Variants in CACNG7 observed in about 807,000 individuals in gnomAD.
CACNG7 encodes voltage-dependent calcium channel gamma-7 subunit.
Under a neutral mutation model 26.3 loss-of-function variants are expected in CACNG7, and 9 were observed. The observed-to-expected ratio is 0.34, with a 90% CI of 0.21 to 0.60. The LOEUF is 0.60. Ranked by LOEUF, CACNG7 falls within the 20% of genes least tolerant of loss-of-function variation. CACNG7 has a pLI of 0.81. For missense variants in CACNG7, 297 were observed against 380.4 expected, an observed-to-expected ratio of 0.78 and a Z score of 1.82; for synonymous variants, 170 against 157.0, an observed-to-expected ratio of 1.08 and a Z score of -0.62.
In CACNG7 at chr19:53,909,872, A is replaced by AG. The variant is rs1051987332; in HGVS notation, c.-30+360dup. On this transcript the variant is annotated intron_variant, in intron 1 of 5. Transcript: ENST00000391767. The surrounding 1 kb of genome is among the most constrained non-coding windows in gnomAD (Gnocchi z 5.1). ...GTGGGTCTGGAAAGGGGTCCCAGAAAGGGGGAGTTACGGTCTCCCGAGAGA... is the reference window on the plus strand; with the variant it reads ...GTGGGTCTGGAAAGGGGTCCCAGAAAGGGGGGAGTTACGGTCTCCCGAGAGA... 3.3e-5 allele frequency among the ~76,000 whole-genome samples: 5 copies of AG among 152,056 alleles called. No individual in the cohort carries two copies. Among genetic ancestry groups the AG allele is most frequent in the African/African-American group, 1.2e-4 (5 of 41,410 alleles).
In CACNG7 at chr19:53,921,024, GCTGGTCATTGGTGGAGTTGCCCCAGGC is replaced by G. The variant is rs1568773919; in HGVS notation, c.424+5535_424+5561del. On this transcript the variant is annotated intron_variant, in intron 4 of 5. Coordinates refer to ENST00000391767, the MANE Select transcript of CACNG7 (RefSeq NM_031896.5). ...CTGGTCATTGGTGGAGTTGCCCCAG[GCTGGTCATTGGTGGAGTTGCCCCAGGC>G]CTGGTCATTGGTGGACTTGCCCCAG... 1.1e-4 allele frequency among the ~76,000 whole-genome samples: 8 copies of G among 74,982 alleles called. 1 individual carries two copies. The highest frequency in any genetic ancestry group is 2.1e-4 in the Admixed American group (2 of 9,458). The allele number at this position is 74,982 out of a possible 152,430, so 49.2% of individuals were successfully genotyped here.
chr19:53,920,674 C>T (rs1410812578), intron 4 of CACNG7, among the ~76,000 whole-genome samples: 2 of 116,782 alleles, frequency 1.7e-5, no homozygotes, highest in South Asian at 2.7e-4. Flanking sequence ...TGGAGTTGCC[C>T]CAGGTCTGGT....
At chr19:53,923,614 T>A (rs1173014356) in intron 4 of CACNG7, among the ~76,000 whole-genome samples, 111 of 124,810 alleles carry the variant, frequency 8.9e-4, no homozygotes, top group African/African-American at 3.3e-3. Flanking sequence ...CCAGGTCTGG[T>A]CATTGGTGGA....
chr19:53,927,594 T>C (rs1159246650), intron 4 of CACNG7, among the ~76,000 whole-genome samples: 5 of 152,022 alleles, frequency 3.3e-5, no homozygotes, highest in South Asian at 2.1e-4. Flanking sequence ...TCCCAGCACA[T>C]TGGGAGGCCG....
intron 4 of CACNG7, among the ~76,000 whole-genome samples, chr19:53,921,333 G>C (rs1198476839): frequency 7.0e-6 from 1 of 142,016 alleles, no homozygotes; most frequent in Non-Finnish European, 1.5e-5. Flanking sequence ...GTCATTGGTG[G>C]ACTTGCCCCA....
intron 4 of CACNG7, among the ~76,000 whole-genome samples, chr19:53,934,177 G>A (rs892955669): frequency 6.6e-6 from 1 of 152,196 alleles, no homozygotes; most frequent in Non-Finnish European, 1.5e-5. Flanking sequence ...GATGACAGGC[G>A]TGAGCCACTG....
Position 53,915,730 on chromosome 19 carries a change from C to A in CACNG7, c.424+225C>A, listed in dbSNP as rs1462582661. Among the ~76,000 whole-genome samples the A allele has an allele frequency of 6.6e-5, 10 of 152,258 alleles. No individual in the cohort carries two copies. In the South Asian group the frequency reaches 8.3e-4, roughly 13 times the overall value. On this transcript the variant is annotated intron_variant, in intron 4 of 5. Coordinates refer to ENST00000391767, the MANE Select transcript of CACNG7 (RefSeq NM_031896.5). The stretch of plus-strand genomic sequence containing the variant: ...GGCTTACTGGGTGCTAATTAGGTAC[C>A]AGGCTCTATTCTCACACTCGCAACA...
rs921279355 is a variant in CACNG7 at position 53,932,905 on chromosome 19, T to A, written c.425-8565T>A. Among the ~76,000 whole-genome samples, 10 of 151,604 alleles carry A rather than the reference T, an allele frequency of 6.6e-5. No homozygotes were observed. The East Asian group carries it at 1.9e-3, about 29-fold the overall frequency. On this transcript the variant is annotated intron_variant, in intron 4 of 5. Transcript: ENST00000391767. ...GCACTGCAACCTCCGCCTCCCAGGTTAAAGCGATTCTCTGGCCTCAGCCTC... is the reference window on the plus strand; with the variant it reads ...GCACTGCAACCTCCGCCTCCCAGGTAAAAGCGATTCTCTGGCCTCAGCCTC...
chr19:53,910,393 G>A (rs1599960251), intron 1 of CACNG7, among the ~76,000 whole-genome samples: 1 of 152,052 alleles, frequency 6.6e-6, no homozygotes, highest in African/African-American at 2.4e-5. Flanking sequence ...CTGGAGGCTG[G>A]GAGTGCGGGG....
intron 4 of CACNG7, among the ~76,000 whole-genome samples, chr19:53,921,014 G>GTTGCCCCAGGCCTGGTCATTGGTGGAC (rs2068943841): frequency 2.8e-5 from 2 of 70,422 alleles, no homozygotes; most frequent in Non-Finnish European, 5.0e-5. Context: ...CATTGGTGGA[G>GTTGCCCCAGGCCTGGTCATTGGTGGAC]TTGCCCCAGG....
chr19:53,931,412 CGCA>C (rs2069070469), intron 4 of CACNG7, among the ~76,000 whole-genome samples: 1 of 151,256 alleles, frequency 6.6e-6, no homozygotes, highest in South Asian at 2.1e-4. Flanking sequence ...TTTGGCTGGG[CGCA>C]GTGGCTCATG....
At chr19:53,925,797 C>G (rs1048032773) in intron 4 of CACNG7, among the ~76,000 whole-genome samples, 1 of 152,186 alleles carries the variant, frequency 6.6e-6, no homozygotes, top group Non-Finnish European at 1.5e-5. Context: ...CAGGCCGTAG[C>G]AGATAAGGTC....
intron 4 of CACNG7, among the ~76,000 whole-genome samples, chr19:53,922,919 T>C (rs1353490805): frequency 1.1e-5 from 1 of 87,986 alleles, no homozygotes; most frequent in Non-Finnish European, 2.0e-5. Context: ...GCCTGGTCAT[T>C]GGTGGAGTTG....
In CACNG7 at chr19:53,920,387, T is replaced by G. The variant is rs1328454513; in HGVS notation, c.424+4882T>G. Among the ~76,000 whole-genome samples, 3 of 106,718 alleles carry G rather than the reference T, an allele frequency of 2.8e-5. 1 individual carries two copies. Among genetic ancestry groups the G allele is most frequent in the African/African-American group, 1.0e-4 (2 of 19,980 alleles). 70.0% of individuals were successfully genotyped at this position (106,718 alleles called of 152,430 possible). ...GTCATTGGTGGAGTTGCCTCAGGTC[T>G]GGTCATTGGTGGACTTGCCCCAGGT... On this transcript the variant is annotated intron_variant, in intron 4 of 5. Coordinates refer to ENST00000391767, the MANE Select transcript of CACNG7 (RefSeq NM_031896.5).
In CACNG7 at chr19:53,942,336, T is replaced by A; in HGVS notation, c.*43T>A. ...TCCCCCTGCCTCCTCCTCCTCCTCGTCTTAGGGGGGTCTCCCTGCAATGCA... is the reference window on the plus strand; with the variant it reads ...TCCCCCTGCCTCCTCCTCCTCCTCGACTTAGGGGGGTCTCCCTGCAATGCA... On this transcript the variant is annotated 3_prime_UTR_variant, in exon 6 of 6. Coordinates refer to ENST00000391767, the MANE Select transcript of CACNG7 (RefSeq NM_031896.5). This position sits in a 1 kb window ranked among gnomAD's most constrained non-coding sequence, Gnocchi z 5.9. 6.8e-7 allele frequency: 1 copy of A among 1,462,602 alleles called. No homozygotes were observed. The highest frequency in any genetic ancestry group is 9.0e-7 in the Non-Finnish European group (1 of 1,112,412). The allele number at this position is 1,462,602 out of a possible 1,614,324, so 90.6% of individuals were successfully genotyped here.
intron 4 of CACNG7, among the ~76,000 whole-genome samples, chr19:53,922,253 T>TTTCCCCAG (rs1172017290): frequency 5.5e-4 from 58 of 105,646 alleles, no homozygotes; most frequent in African/African-American, 2.1e-3. Flanking sequence ...TTGGTGGAGT[T>TTTCCCCAG]GTCCCCAGGT....
intron 4 of CACNG7, among the ~76,000 whole-genome samples, chr19:53,936,983 C>A (rs551814123): frequency 6.6e-6 from 1 of 152,048 alleles, no homozygotes; most frequent in East Asian, 1.9e-4. Flanking sequence ...TCATAGCTCA[C>A]TGCAGCCTTG....
chr19:53,941,383 G>T lies in CACNG7; in HGVS notation c.425-87G>T, dbSNP rs141480575. ...GGGAAGTTAGTCCAGGACAGAATGG[G>T]GAGGAGGGGAAGGCAGTGAGGTGGG... On this transcript the variant is annotated intron_variant, in intron 4 of 5. Coordinates refer to ENST00000391767, the MANE Select transcript of CACNG7 (RefSeq NM_031896.5). 9.5e-3 allele frequency: 13,334 copies of T among 1,410,508 alleles called. 71 individuals carry two copies. The highest frequency in any genetic ancestry group is 1.0e-2 in the Non-Finnish European group (10,622 of 1,066,876). 87.4% of individuals were successfully genotyped at this position (1,410,508 alleles called of 1,614,324 possible).
In CACNG7 at chr19:53,943,822, C is replaced by T. The variant is rs1449632597; in HGVS notation, c.*1529C>T. On this transcript the variant is annotated 3_prime_UTR_variant, in exon 6 of 6. Transcript: ENST00000391767. ...TACTGCAGAATGACGTTAGATGGGT[C>T]GTTGTTAAATGACTTAATCATCATC... 6.6e-6 allele frequency: 1 copy of T among 152,004 alleles called. No homozygotes were observed. Among genetic ancestry groups the T allele is most frequent in the Non-Finnish European group, 1.5e-5 (1 of 68,012 alleles). 9.4% of individuals were successfully genotyped at this position (152,004 alleles called of 1,614,324 possible). A position where few individuals can be genotyped will look rare whatever the true frequency, so the allele number is the denominator to read the frequency against.
Sources: gnomAD v4.1 joint callset for allele counts (sites outside exome capture counted in the v4.1 genomes callset) on GRCh38, gnomAD v4.1.1 for gene constraint, Gnocchi (gnomAD v3.1) non-coding constraint, MANE v1.5 for transcripts, NCBI Gene and HGNC (gene_info 2026-07-23, HGNC 2026-07-21) for gene names.